Variants in RAP1A observed in about 807,000 individuals in gnomAD.
The protein encoded by RAP1A is RAP1A, member of RAS oncogene family, also known as ras-related protein Rap-1A.
A neutral mutation model predicts 26.4 loss-of-function variants in RAP1A; 6 were observed. The ratio of observed to expected loss-of-function variants is 0.23; its 90% confidence interval spans 0.12 to 0.45. The LOEUF (loss-of-function observed/expected upper bound fraction) is 0.45, where lower values mean the gene tolerates loss of function less well. RAP1A is among the 20% of genes least tolerant of loss of function. The pLI is 0.99. For missense variants in RAP1A, 121 were observed against 217.2 expected (o/e 0.56, Z 2.78); for synonymous variants, 73 against 79.4 (o/e 0.92, Z 0.43).
upstream of RAP1A, among the ~76,000 whole-genome samples, chr1:111,618,203 C>T (rs79575221): frequency 0.021 from 3,142 of 152,244 alleles, 108 homozygotes; most frequent in African/African-American, 0.071. Flanking sequence ...CCTCACCTCC[C>T]ATCCTATTAA....
At chr1:111,648,735 G>T (rs1198583760) in intron 1 of RAP1A, 3 of 594,086 alleles carry the variant, frequency 5.0e-6, no homozygotes, top group Non-Finnish European at 9.6e-6. Context: ...AGACTGCGTG[G>T]TGACCACTGT....
At chr1:111,708,220 A>G (rs753269100) in intron 6 of RAP1A, among the ~76,000 whole-genome samples, 2 of 147,594 alleles carry the variant, frequency 1.4e-5, no homozygotes, top group Non-Finnish European at 3.0e-5. Context: ...GTTATTTCAA[A>G]TCAAGGATTA....
intron 1 of RAP1A, chr1:111,649,001 A>G (rs1335774060): frequency 3.2e-6 from 2 of 621,736 alleles, no homozygotes; most frequent in African/African-American, 3.6e-5. Context: ...GCCAAGTGAC[A>G]TTGATGTCAT....
chr1:111,678,130 T>C (rs902808510), intron 1 of RAP1A, among the ~76,000 whole-genome samples: 14 of 152,040 alleles, frequency 9.2e-5, no homozygotes, highest in African/African-American at 2.9e-4. Context: ...TATTTGCATT[T>C]TCATATAAGT....
chr1:111,699,260 A>T (rs1661938388), intron 4 of RAP1A, among the ~76,000 whole-genome samples: 1 of 152,084 alleles, frequency 6.6e-6, no homozygotes, highest in South Asian at 2.1e-4. Flanking sequence ...ATCCATATAG[A>T]ATCTATATGG....
At chr1:111,642,785 C>CA (rs1250808508) in intron 1 of RAP1A, among the ~76,000 whole-genome samples, 1 of 113,736 alleles carries the variant, frequency 8.8e-6, no homozygotes, top group African/African-American at 3.1e-5. Flanking sequence ...CCGTGCCCAG[C>CA]CTTTTTTTTT....
intron 1 of RAP1A, chr1:111,686,811 C>A (rs570042560): frequency 6.6e-6 from 1 of 151,292 alleles, no homozygotes; most frequent in Admixed American, 6.6e-5. Flanking sequence ...ATTCTTAATC[C>A]AGGGTTCCCA....
At chr1:111,606,783 G>T (rs1247672376) in intron 1 of RAP1A, among the ~76,000 whole-genome samples, 1 of 152,232 alleles carries the variant, frequency 6.6e-6, no homozygotes, top group Non-Finnish European at 1.5e-5. Context: ...TAGTTTTATT[G>T]TAACAGCTCA....
At chr1:111,710,842 C>CT (rs57576807) in intron 7 of RAP1A, among the ~76,000 whole-genome samples, 7,668 of 151,804 alleles carry the variant, frequency 0.051, 423 homozygotes, top group African/African-American at 0.13. Flanking sequence ...AACTTTTTTT[C>CT]TTTTTTTTGA....
At chr1:111,613,300 C>T (rs1190533294) in intron 1 of RAP1A, among the ~76,000 whole-genome samples, 4 of 151,926 alleles carry the variant, frequency 2.6e-5, no homozygotes, top group Admixed American at 6.6e-5. Flanking sequence ...CCCAGGTTCA[C>T]GCCATTCTCC....
chr1:111,601,430 T>C (rs769282660), intron 1 of RAP1A, among the ~76,000 whole-genome samples: 1 of 152,210 alleles, frequency 6.6e-6, no homozygotes, highest in Non-Finnish European at 1.5e-5. Context: ...AATAAAGCTA[T>C]GTAATGACTA....
At chr1:111,584,256 T>A (rs574605244) in intron 1 of RAP1A, among the ~76,000 whole-genome samples, 91 of 152,284 alleles carry the variant, frequency 6.0e-4, no homozygotes, top group African/African-American at 2.2e-3. Flanking sequence ...TACCACAGAT[T>A]AATTTTACCA....
chr1:111,566,828 G>T (rs1176725883), intron 1 of RAP1A, among the ~76,000 whole-genome samples: 1 of 150,972 alleles, frequency 6.6e-6, no homozygotes, highest in Non-Finnish European at 1.5e-5. Context: ...GCGTGCCCAG[G>T]TTTTGTGGAG....
intron 1 of RAP1A, among the ~76,000 whole-genome samples, chr1:111,610,339 T>C (rs577419930): frequency 1.0e-3 from 157 of 152,300 alleles, no homozygotes; most frequent in African/African-American, 3.7e-3. Context: ...TGAATCTGGT[T>C]TGAATTTGGA....
chr1:111,561,502 T>C (rs1657735023), intron 1 of RAP1A, among the ~76,000 whole-genome samples: 2 of 152,020 alleles, frequency 1.3e-5, no homozygotes, highest in South Asian at 4.2e-4. Flanking sequence ...AGATTGTGTA[T>C]GTATTGGGGG....
At chr1:111,653,442 G>T (rs1660341126) in intron 1 of RAP1A, among the ~76,000 whole-genome samples, 1 of 152,164 alleles carries the variant, frequency 6.6e-6, no homozygotes, top group Non-Finnish European at 1.5e-5. Flanking sequence ...AGCACTTTGG[G>T]AGGCTGAGGC....
At chr1:111,543,264 T>G (rs2101026566) in intron 1 of RAP1A, among the ~76,000 whole-genome samples, 1 of 152,290 alleles carries the variant, frequency 6.6e-6, no homozygotes, top group South Asian at 2.1e-4. Flanking sequence ...CGTGTTTCTG[T>G]GTGTGTTGTA....
chr1:111,657,955 T>C (rs1331874706), intron 1 of RAP1A, among the ~76,000 whole-genome samples: 1 of 152,222 alleles, frequency 6.6e-6, no homozygotes, highest in Non-Finnish European at 1.5e-5. Flanking sequence ...GGTTTCTAAT[T>C]TAATTCTGTA....
At chr1:111,557,796 G>T (rs972425885) in intron 1 of RAP1A, among the ~76,000 whole-genome samples, 1 of 152,142 alleles carries the variant, frequency 6.6e-6, no homozygotes, top group African/African-American at 2.4e-5. Flanking sequence ...TAATTTATGG[G>T]ATAAGAAGTA....
Sources: allele counts gnomAD v4.1 joint callset (sites outside exome capture counted in the v4.1 genomes callset), GRCh38; gene constraint gnomAD v4.1.1; transcripts MANE v1.5; gene names NCBI Gene and HGNC (gene_info 2026-07-23, HGNC 2026-07-21).